The following NCALD variants were observed in gnomAD, a reference collection of about 807,000 sequenced individuals.
The protein encoded by NCALD is neurocalcin delta.
Under a neutral mutation model 18.6 loss-of-function variants are expected in NCALD, and 10 were observed. The ratio of observed to expected loss-of-function variants is 0.54; its 90% CI spans 0.33 to 0.91. NCALD has a LOEUF of 0.91. Ranked by LOEUF, NCALD falls within the 40% of genes least tolerant of loss-of-function variation. The pLI, the probability that NCALD is intolerant of heterozygous loss-of-function variation, is 0.03. For synonymous variants in NCALD, 88 were observed against 87.4 expected (o/e 1.01, Z -0.04); for missense variants, 184 against 247.6 (o/e 0.74, Z 1.72).
intron 4 of NCALD, among the ~76,000 whole-genome samples, chr8:101,885,661 T>C (rs947977970): frequency 6.6e-6 from 1 of 152,186 alleles, no homozygotes; most frequent in Non-Finnish European, 1.5e-5. Context: ...AAGTCTAGCT[T>C]ATTTGGAGCT....
intron 4 of NCALD, among the ~76,000 whole-genome samples, chr8:101,860,997 T>C (rs752562484): frequency 7.2e-5 from 11 of 152,070 alleles, no homozygotes; most frequent in Admixed American, 1.3e-4. Context: ...ATAAATTATA[T>C]CTAAAAGCCA....
chr8:101,993,825 G>A (rs1252481466), intron 2 of NCALD, among the ~76,000 whole-genome samples: 3 of 152,176 alleles, frequency 2.0e-5, no homozygotes, highest in South Asian at 2.1e-4. Flanking sequence ...ATCACTGTGC[G>A]ACGTGCTAAA....
chr8:101,763,330 A>G (rs1811192663), intron 1 of NCALD, among the ~76,000 whole-genome samples: 1 of 152,170 alleles, frequency 6.6e-6, no homozygotes, highest in Non-Finnish European at 1.5e-5. Flanking sequence ...AAGTCTGGGT[A>G]GGTGTTGAAG....
At chr8:102,094,645 C>T (rs1419465954) in intron 1 of NCALD, among the ~76,000 whole-genome samples, 3 of 152,184 alleles carry the variant, frequency 2.0e-5, no homozygotes, top group Admixed American at 1.3e-4. Flanking sequence ...ATTTTATCTT[C>T]GAAAGTCCTA....
chr8:101,934,922 A>G (rs1458480784), intron 2 of NCALD, among the ~76,000 whole-genome samples: 1 of 152,198 alleles, frequency 6.6e-6, no homozygotes, highest in Non-Finnish European at 1.5e-5. Context: ...AGGCAAAACT[A>G]AAATAAGTGA....
At chr8:102,061,257 C>T (rs75554186) in intron 1 of NCALD, among the ~76,000 whole-genome samples, 9,133 of 152,214 alleles carry the variant, frequency 0.06, 637 homozygotes, top group African/African-American at 0.17. Flanking sequence ...CGGGTAGGAG[C>T]CCCCCAGGGT....
chr8:101,862,001 A>G (rs1470164976), intron 4 of NCALD, among the ~76,000 whole-genome samples: 1 of 152,196 alleles, frequency 6.6e-6, no homozygotes, highest in African/African-American at 2.4e-5. Context: ...CTGTCATTTA[A>G]AATAATCATA....
intron 1 of NCALD, among the ~76,000 whole-genome samples, chr8:101,729,319 A>C (rs1272992925): frequency 6.6e-6 from 1 of 152,196 alleles, no homozygotes; most frequent in Non-Finnish European, 1.5e-5. Context: ...AGAGTTATAT[A>C]ATAATCTCAC....
intron 2 of NCALD, among the ~76,000 whole-genome samples, chr8:101,942,748 AC>A (rs1313464355): frequency 3.9e-5 from 6 of 152,324 alleles, no homozygotes; most frequent in Admixed American, 3.9e-4. Flanking sequence ...AAATGGAGAA[AC>A]TGAGGCATTG....
chr8:101,706,036 G>A (rs1008686027), intron 2 of NCALD, among the ~76,000 whole-genome samples: 1 of 152,212 alleles, frequency 6.6e-6, no homozygotes, highest in Non-Finnish European at 1.5e-5. Context: ...GTCTGTTTAG[G>A]AGAGTAAAGG....
intron 2 of NCALD, among the ~76,000 whole-genome samples, chr8:101,967,840 G>GACAC (rs34321706): frequency 0.051 from 7,593 of 147,854 alleles, 526 homozygotes; most frequent in African/African-American, 0.16. Context: ...TCTTAAAATT[G>GACAC]ACACACACAC....
intron 2 of NCALD, among the ~76,000 whole-genome samples, chr8:101,958,819 C>T (rs1475039338): frequency 6.6e-6 from 1 of 152,086 alleles, no homozygotes; most frequent in Non-Finnish European, 1.5e-5. Flanking sequence ...GATGCCAATT[C>T]CTTGAACTCC....
At chr8:101,983,854 T>C (rs1352605145) in intron 2 of NCALD, among the ~76,000 whole-genome samples, 1 of 152,220 alleles carries the variant, frequency 6.6e-6, no homozygotes, top group African/African-American at 2.4e-5. Flanking sequence ...CACAGCCCCA[T>C]GTCCAGTGGC....
chr8:101,894,635 A>G (rs1178780004), intron 3 of NCALD, among the ~76,000 whole-genome samples: 5 of 148,904 alleles, frequency 3.4e-5, no homozygotes, highest in Non-Finnish European at 5.9e-5. Context: ...TAAAGAAAAA[A>G]AGAGAGAAGA....
chr8:101,825,380 T>A (rs796456949), intron 4 of NCALD, among the ~76,000 whole-genome samples: 2 of 152,210 alleles, frequency 1.3e-5, no homozygotes, highest in East Asian at 1.9e-4. Flanking sequence ...TTGTGGAGAA[T>A]GTGTGAGGAA....
intron 2 of NCALD, among the ~76,000 whole-genome samples, chr8:102,002,169 G>A (rs905790638): frequency 2.6e-5 from 4 of 152,274 alleles, no homozygotes; most frequent in South Asian, 2.1e-4. Context: ...TCAAAATAAA[G>A]GGATGGAGGA....
At chr8:101,745,771 G>A (rs986122862) in intron 1 of NCALD, 5 of 152,176 alleles carry the variant, frequency 3.3e-5, no homozygotes, top group Admixed American at 2.6e-4. Context: ...TATGCTAAAT[G>A]TTTTTTGCAC....
At chr8:101,842,352 AAC>A (rs1491346884) in intron 4 of NCALD, among the ~76,000 whole-genome samples, 2 of 152,216 alleles carry the variant, frequency 1.3e-5, no homozygotes, top group East Asian at 3.8e-4. Flanking sequence ...AGGAAAAAAA[AAC>A]AAGAAGAGGA....
chr8:101,909,658 A>C (rs1245581955), intron 3 of NCALD, among the ~76,000 whole-genome samples: 1 of 152,174 alleles, frequency 6.6e-6, no homozygotes, highest in Admixed American at 6.5e-5. Context: ...GAGCCTCTGA[A>C]ATTTTCAGAA....
Sources: allele counts gnomAD v4.1 joint callset (sites outside exome capture counted in the v4.1 genomes callset), GRCh38; gene constraint gnomAD v4.1.1; transcripts MANE v1.5; gene names NCBI Gene and HGNC (gene_info 2026-07-23, HGNC 2026-07-21).